The following TSLP variants were observed in gnomAD, a reference collection of about 807,000 sequenced individuals.
TSLP encodes thymic stroma-derived lymphopoietin.
TSLP carries 12 observed loss-of-function variants against 12.4 expected under a neutral mutation model. That is an observed-to-expected ratio of 0.97 (90% CI 0.62 to 1.57). The LOEUF is 1.57. Among genes scored for constraint, TSLP ranks in the 40% most tolerant of loss-of-function variants. The pLI is 0.00. For missense variants in TSLP, 222 were observed against 189.6 expected (o/e 1.17, Z -1.00); for synonymous variants, 97 against 69.5 (o/e 1.40, Z -1.97).
rs752071873 is a variant in TSLP at position 111,072,923 on chromosome 5, T to C, written c.207T>C (p.Cys69=). ...CCGAGTTCAACAACACCGTCTCTTG[T>C]AGCAATCGGGTGAGTAGAGAGTTCA... The part of the protein sequence containing the change: ...KSTEFNNTVS[C]SNRPHCLTEI... Residue 69 remains cysteine, a synonymous_variant, in exon 2 of 4, where the codon TGT becomes TGC. Coordinates refer to ENST00000344895, the MANE Select transcript of TSLP (RefSeq NM_033035.5). 12 of 1,614,108 alleles carry C rather than the reference T, an allele frequency of 7.4e-6. No individual in the cohort carries two copies. Among genetic ancestry groups the C allele is most frequent in the African/African-American group, 1.3e-5 (1 of 74,938 alleles).
rs1282404588 is a variant in TSLP, at chr5:111,073,552, C to T, written c.258C>T (p.Pro86=). The T allele has an allele frequency of 4.3e-6, 7 of 1,614,058 alleles. No individual in the cohort carries two copies. Among genetic ancestry groups the T allele is most frequent in the Non-Finnish European group, 5.9e-6 (7 of 1,180,050 alleles). Residue 86 remains proline, a synonymous_variant, in exon 3 of 4, where the codon CCC becomes CCT. Coordinates refer to ENST00000344895, the MANE Select transcript of TSLP (RefSeq NM_033035.5). ...AAATCCAGAGCCTAACCTTCAATCC[C>T]ACCGCCGGCTGCGCGTCGCTCGCCA... The part of the protein sequence containing the change: ...LTEIQSLTFN[P]TAGCASLAKE...
rs1241477430 is a variant in TSLP at position 111,073,554 on chromosome 5, C to A, written c.260C>A (p.Thr87Asn). The A allele has an allele frequency of 1.2e-6, 2 of 1,614,204 alleles. No homozygotes were observed. Among genetic ancestry groups the A allele is most frequent in the Admixed American group, 3.3e-5 (2 of 60,026 alleles). ...TEIQSLTFNP[T>N]AGCASLAKEM... ...ATCCAGAGCCTAACCTTCAATCCCA[C>A]CGCCGGCTGCGCGTCGCTCGCCAAA... Residue 87 changes from threonine to asparagine, a missense_variant, in exon 3 of 4, where the codon ACC becomes AAC. Coordinates refer to ENST00000344895, the MANE Select transcript of TSLP (RefSeq NM_033035.5).
At chr5:111,073,144 C>T (rs1007002867) in intron 2 of TSLP, among the ~76,000 whole-genome samples, 1 of 152,210 alleles carries the variant, frequency 6.6e-6, no homozygotes, top group Admixed American at 6.5e-5. Context: ...AGTCTCTATC[C>T]GGAGGAAAGG....
At chr5:111,073,808 T>C (rs1161379750) in intron 3 of TSLP, among the ~76,000 whole-genome samples, 163 bp downstream of exon 3, 1 of 152,244 alleles carries the variant, frequency 6.6e-6, no homozygotes, top group Non-Finnish European at 1.5e-5. Context: ...CCCACGTTGA[T>C]ACCCGGAATC....
rs1009465089 is a variant in TSLP, at chr5:111,074,153, G to T, written c.351+508G>T. ...ATCTCTATCCTATGTTTGCTTAATT[G>T]CTTGTGTGGGCGCTATTGCTGTCTC... On this transcript the variant is annotated intron_variant, in intron 3 of 3. Transcript: ENST00000344895. 3.3e-5 allele frequency among the ~76,000 whole-genome samples: 5 copies of T among 152,204 alleles called. No individual in the cohort carries two copies. In the East Asian group the frequency reaches 7.7e-4, roughly 23 times the overall value.
intron 3 of TSLP, among the ~76,000 whole-genome samples, chr5:111,074,870 G>A (rs945072255): frequency 6.6e-6 from 1 of 151,890 alleles, no homozygotes; most frequent in Non-Finnish European, 1.5e-5. Flanking sequence ...TGCCTGCCTC[G>A]GCCTCCCAAA....
In TSLP at chr5:111,075,363, G is replaced by A. The variant is rs571917710; in HGVS notation, c.352-583G>A. Among the ~76,000 whole-genome samples, 3 of 152,250 alleles carry A rather than the reference G, an allele frequency of 2.0e-5. No individual in the cohort carries two copies. The East Asian group carries it at 5.8e-4, about 29-fold the overall frequency. ...CTTTAAAATAAGCCCTCAGATGTCT[G>A]TGACACATCTAGACAATGGGGCAGG... On this transcript the variant is annotated intron_variant, in intron 3 of 3. Coordinates refer to ENST00000344895, the MANE Select transcript of TSLP (RefSeq NM_033035.5).
At chr5:111,074,472 A>T (rs1752437682) in intron 3 of TSLP, among the ~76,000 whole-genome samples, 1 of 152,160 alleles carries the variant, frequency 6.6e-6, no homozygotes, top group Admixed American at 6.5e-5. Flanking sequence ...CACAACAGGC[A>T]CTCAATATTT....
At chr5:111,070,482 G>C (rs1467561962), upstream of TSLP, 6 of 152,754 alleles carry the variant, frequency 3.9e-5, no homozygotes, top group East Asian at 3.9e-4. Context: ...CCTGGGTGTA[G>C]AGAGGGCCCA....
chr5:111,071,945 A>G lies in TSLP; in HGVS notation c.55A>G (p.Ile19Val), dbSNP rs994023182. 5 of 1,614,110 alleles carry G rather than the reference A, an allele frequency of 3.1e-6. No homozygotes were observed. The highest frequency in any genetic ancestry group is 1.3e-5 in the African/African-American group (1 of 74,944). ...VLSVSFRKIF[I>V]LQLVGLVLTY... ...GTCAGTTTCTTTCAGGAAAATCTTC[A>G]TCTTACAACTTGTAGGGCTGGTGTT... is the stretch of plus-strand genomic sequence containing the variant. Residue 19 changes from isoleucine to valine, a missense_variant, in exon 1 of 4, where the codon ATC (isoleucine) becomes GTC (valine). Ile to Val is a conservative substitution (Grantham distance 29). Coordinates refer to ENST00000344895, the MANE Select transcript of TSLP (RefSeq NM_033035.5).
chr5:111,073,731 T>A, intron 3 of TSLP, 86 bp downstream of exon 3: 1 of 1,444,238 alleles, frequency 6.9e-7, no homozygotes, highest in South Asian at 1.3e-5. Flanking sequence ...CGTTCTCTTA[T>A]TTTTATTTAG....
Position 111,071,771 on chromosome 5 carries a change from G to A in TSLP, c.-120G>A, listed in dbSNP as rs921237780. 8.3e-6 allele frequency: 11 copies of A among 1,322,600 alleles called. No homozygotes were observed. The South Asian group carries it at 1.5e-4, about 19-fold the overall frequency. 81.9% of individuals were successfully genotyped at this position (1,322,600 alleles called of 1,614,324 possible). A position where few individuals can be genotyped will look rare whatever the true frequency, so the allele number is the denominator to read the frequency against. On this transcript the variant is annotated 5_prime_UTR_variant, in exon 1 of 4. Coordinates refer to ENST00000344895, the MANE Select transcript of TSLP (RefSeq NM_033035.5). Reference sequence around the variant, plus strand: ...GGTGAATAAGGGCTTCCTGTGGACTGGCAATGAGAGGCAAAACCTGGTGCT... The same window carrying A: ...GGTGAATAAGGGCTTCCTGTGGACTAGCAATGAGAGGCAAAACCTGGTGCT...
chr5:111,073,047 C>T (rs918379815), intron 2 of TSLP, 115 bp downstream of exon 2: 1 of 1,280,696 alleles, frequency 7.8e-7, no homozygotes. Context: ...CGGGACGCCG[C>T]CGCCGGGGGA....
chr5:111,074,675 G>T (rs1413293601), intron 3 of TSLP, among the ~76,000 whole-genome samples: 5 of 137,954 alleles, frequency 3.6e-5, no homozygotes, highest in Non-Finnish European at 7.5e-5. Flanking sequence ...CTGTTACCCA[G>T]GCTGGAATGC....
In TSLP at chr5:111,072,028, T is replaced by G; in HGVS notation, c.138T>G (p.Thr46=). 1.2e-6 allele frequency: 2 copies of G among 1,614,058 alleles called. No individual in the cohort carries two copies. Among genetic ancestry groups the G allele is most frequent in the Non-Finnish European group, 1.7e-6 (2 of 1,179,996 alleles). Residue 46 remains threonine, a synonymous_variant, in exon 1 of 4, where the codon ACT becomes ACG. Transcript: ENST00000344895. ...AGATTAAAGCAGCCTATCTCAGTAC[T>G]ATTTCTAAAGACCTGATTACATATA... ...FEKIKAAYLS[T]ISKDLITYMS... is the part of the protein sequence containing the mutation.
rs1169447272 is a variant in TSLP at position 111,073,288 on chromosome 5, T to A, written c.217-223T>A. 5 of 1,419,948 alleles carry A rather than the reference T, an allele frequency of 3.5e-6. No homozygotes were observed. The African/African-American group carries it at 7.2e-5, about 21-fold the overall frequency. The allele number at this position is 1,419,948 out of a possible 1,614,324, so 88.0% of individuals were successfully genotyped here. A position where few individuals can be genotyped will look rare whatever the true frequency, so the allele number is the denominator to read the frequency against. Reference sequence around the variant, plus strand: ...TGGGAGGAGCGAGCGTGGGTGACAGTCTTTTCGCGACGAGTGCCCTCCGCC... The same window carrying A: ...TGGGAGGAGCGAGCGTGGGTGACAGACTTTTCGCGACGAGTGCCCTCCGCC... On this transcript the variant is annotated intron_variant, in intron 2 of 3. Coordinates refer to ENST00000344895, the MANE Select transcript of TSLP (RefSeq NM_033035.5).
In TSLP at chr5:111,071,717, G is replaced by C; in HGVS notation, c.-174G>C. On this transcript the variant is annotated 5_prime_UTR_variant, in exon 1 of 4. Coordinates refer to ENST00000344895, the MANE Select transcript of TSLP (RefSeq NM_033035.5). ...GCAGCCAGAAAGCTCTGGAGCATCA[G>C]GGAGACTCCAACTTAAGGCAACAGC... The C allele has an allele frequency of 1.7e-6, 2 of 1,203,478 alleles. No individual in the cohort carries two copies. The highest frequency in any genetic ancestry group is 2.5e-5 in the East Asian group (1 of 40,296). The allele number at this position is 1,203,478 out of a possible 1,614,324, so 74.5% of individuals were successfully genotyped here. A position where few individuals can be genotyped will look rare whatever the true frequency, so the allele number is the denominator to read the frequency against.
At chr5:111,073,197 C>A in intron 2 of TSLP, 1 of 1,074,836 alleles carries the variant, frequency 9.3e-7, no homozygotes, top group Non-Finnish European at 1.3e-6. Context: ...AGGGGCACCA[C>A]CTGCTGGGGT....
chr5:111,071,192 T>C, upstream of TSLP: 1 of 365,152 alleles, frequency 2.7e-6, no homozygotes, highest in East Asian at 4.2e-5. Context: ...GCACATTTAA[T>C]GCTTTCACAT....
Sources: allele counts gnomAD v4.1 joint callset (sites outside exome capture counted in the v4.1 genomes callset), GRCh38; gene constraint gnomAD v4.1.1; transcripts MANE v1.5; gene names NCBI Gene and HGNC (gene_info 2026-07-23, HGNC 2026-07-21).